Variants in AFF2 observed in about 807,000 individuals in gnomAD.
The protein encoded by AFF2 is ALF transcription elongation factor 2.
In AFF2, 14 loss-of-function variants were observed where a neutral mutation model predicts 76.9. That is an observed-to-expected ratio of 0.18 (90% CI 0.12 to 0.28). The LOEUF (loss-of-function observed/expected upper bound fraction) is 0.28, where lower values mean the gene tolerates loss of function less well. AFF2 is among the 10% of genes least tolerant of loss of function. AFF2 has a pLI of 1.00. For missense variants in AFF2, 868 were observed against 1,001.1 expected (o/e 0.87, Z 1.79); for synonymous variants, 398 against 366.7 (o/e 1.09, Z -0.98).
intron 3 of AFF2, among the ~76,000 whole-genome samples, chrX:148,771,176 C>A (rs1175643549): frequency 1.8e-5 from 2 of 111,777 alleles, no homozygotes; most frequent in African/African-American, 6.5e-5. Flanking sequence ...CCAGACTCTG[C>A]CTATTTCTTT....
At chrX:148,899,537 G>GT (rs782681745) in intron 8 of AFF2, among the ~76,000 whole-genome samples, 4 of 111,759 alleles carry the variant, frequency 3.6e-5, no homozygotes, top group Non-Finnish European at 7.5e-5. Context: ...GCAATTAATT[G>GT]TTTTTCTGTC....
chrX:148,928,607 G>A (rs1225734015), intron 9 of AFF2, among the ~76,000 whole-genome samples: 1 of 112,325 alleles, frequency 8.9e-6, no homozygotes, highest in East Asian at 2.8e-4. Flanking sequence ...ATACTTTGAA[G>A]TTGAGTAGAA....
chrX:148,804,060 C>T (rs1383429567), intron 3 of AFF2, among the ~76,000 whole-genome samples: 1 of 111,839 alleles, frequency 8.9e-6, no homozygotes. Flanking sequence ...TTCCAAGGCT[C>T]AGAGTGCTGA....
intron 7 of AFF2, among the ~76,000 whole-genome samples, chrX:148,868,800 A>G (rs1353273474): frequency 1.8e-5 from 2 of 112,159 alleles, no homozygotes; most frequent in African/African-American, 6.5e-5. Context: ...CTGCTTCCCT[A>G]GGAGGGATGA....
intron 4 of AFF2, among the ~76,000 whole-genome samples, chrX:148,813,831 G>A (rs1346034053): frequency 8.9e-6 from 1 of 112,079 alleles, no homozygotes; most frequent in African/African-American, 3.2e-5. Context: ...ATTCAGTTAT[G>A]CCAGAATAAT....
chrX:148,796,641 G>C (rs1409591923), intron 3 of AFF2, among the ~76,000 whole-genome samples: 2 of 112,131 alleles, frequency 1.8e-5, no homozygotes, highest in Non-Finnish European at 3.8e-5. Flanking sequence ...CTGTGGGTTG[G>C]TTCACATAAG....
intron 3 of AFF2, among the ~76,000 whole-genome samples, chrX:148,743,079 T>C (rs2055379063): frequency 8.9e-6 from 1 of 112,232 alleles, no homozygotes; most frequent in Non-Finnish European, 1.9e-5. Flanking sequence ...ACGTTCAGGC[T>C]CACTTTCTCT....
chrX:148,615,684 C>G (rs1371758400), intron 1 of AFF2, among the ~76,000 whole-genome samples: 1 of 111,662 alleles, frequency 9.0e-6, no homozygotes, highest in African/African-American at 3.3e-5. Context: ...ACCCATTTAG[C>G]CCATTATTCT....
At chrX:148,832,973 C>G (rs1018599728) in intron 4 of AFF2, among the ~76,000 whole-genome samples, 1 of 111,519 alleles carries the variant, frequency 9.0e-6, no homozygotes, top group African/African-American at 3.3e-5. Flanking sequence ...TTTGAAAAAT[C>G]GCCCTAATCA....
At chrX:148,978,843 C>A (rs1557290579) in intron 18 of AFF2, among the ~76,000 whole-genome samples, 1 of 111,731 alleles carries the variant, frequency 9.0e-6, no homozygotes, top group Admixed American at 9.5e-5. Flanking sequence ...GTCACTGTGG[C>A]CACCCTGGCT....
At chrX:148,815,527 A>T (rs1371190051) in intron 4 of AFF2, among the ~76,000 whole-genome samples, 5 of 111,984 alleles carry the variant, frequency 4.5e-5, no homozygotes, top group Non-Finnish European at 9.4e-5. Context: ...AAGATGCTAA[A>T]TTTAATTATA....
At chrX:148,571,155 A>G (rs1343161746) in intron 1 of AFF2, among the ~76,000 whole-genome samples, 1 of 112,070 alleles carries the variant, frequency 8.9e-6, no homozygotes, top group Non-Finnish European at 1.9e-5. Flanking sequence ...TAGATGAAGC[A>G]TTAGCTCAAA....
At chrX:148,962,035 T>C (rs782727312) in intron 12 of AFF2, among the ~76,000 whole-genome samples, 15 of 112,678 alleles carry the variant, frequency 1.3e-4, no homozygotes, top group Admixed American at 6.5e-4. Flanking sequence ...CTTTTAAAAT[T>C]GCAGATGTCT....
intron 4 of AFF2, among the ~76,000 whole-genome samples, chrX:148,827,921 G>T (rs782751479): frequency 9.6e-4 from 107 of 111,785 alleles, no homozygotes; most frequent in Non-Finnish European, 1.7e-3. Flanking sequence ...TATCAAGTTG[G>T]TTTGCCTGAG....
intron 1 of AFF2, among the ~76,000 whole-genome samples, chrX:148,614,148 A>G (rs2053761555): frequency 8.9e-6 from 1 of 112,304 alleles, no homozygotes; most frequent in Non-Finnish European, 1.9e-5. Flanking sequence ...AGTTGATGCA[A>G]TTAGAAATGG....
chrX:148,922,218 G>A (rs372980802), intron 9 of AFF2, among the ~76,000 whole-genome samples: 2 of 111,285 alleles, frequency 1.8e-5, no homozygotes, highest in South Asian at 3.8e-4. Flanking sequence ...ATTTCTTTTG[G>A]CCTAGAAGTG....
Position 148,981,222 on chromosome X carries a change from C to T in AFF2, c.3623+432C>T, listed in dbSNP as rs1215207636. Among the ~76,000 whole-genome samples the T allele has an allele frequency of 3.6e-5, 4 of 111,554 alleles. No homozygotes were observed. In the East Asian group the frequency reaches 8.4e-4, roughly 24 times the overall value. Reference sequence around the variant, plus strand: ...GCACTTGCTCAGCCAATTATCCAAGCCTTCATGATAATTTTTATATTAATA... The same window carrying T: ...GCACTTGCTCAGCCAATTATCCAAGTCTTCATGATAATTTTTATATTAATA... On this transcript the variant is annotated intron_variant, in intron 19 of 20. Transcript: ENST00000370460.
At chrX:148,970,181 C>T (rs1301546212) in intron 15 of AFF2, among the ~76,000 whole-genome samples, 1 of 111,958 alleles carries the variant, frequency 8.9e-6, no homozygotes, top group Non-Finnish European at 1.9e-5. Flanking sequence ...TCACAAAATC[C>T]GCTTGAATTT....
chrX:148,587,154 C>T (rs1557246015), intron 1 of AFF2, among the ~76,000 whole-genome samples: 1 of 111,966 alleles, frequency 8.9e-6, no homozygotes, highest in East Asian at 2.8e-4. Context: ...TGAGGATTCA[C>T]TGATTCAGAT....
Sources: gnomAD v4.1 joint callset for allele counts (sites outside exome capture counted in the v4.1 genomes callset) on GRCh38, gnomAD v4.1.1 for gene constraint, MANE v1.5 for transcripts, NCBI Gene and HGNC (gene_info 2026-07-23, HGNC 2026-07-21) for gene names.